The following PPP1R12B variants were observed in gnomAD, a reference collection of about 807,000 sequenced individuals.
PPP1R12B encodes the protein myosin phosphatase target subunit 2.
Under a neutral mutation model 126.1 loss-of-function variants are expected in PPP1R12B, and 76 were observed. The ratio of observed to expected loss-of-function variants is 0.60; its 90% CI spans 0.50 to 0.73. PPP1R12B has a LOEUF of 0.73. Among genes scored for constraint, PPP1R12B ranks in the 30% least tolerant of loss-of-function variants. The pLI, the probability that PPP1R12B is intolerant of heterozygous loss-of-function variation, is 0.00. For synonymous variants in PPP1R12B, 356 were observed against 434.7 expected (o/e 0.82, Z 2.25); for missense variants, 1,052 against 1,205.1 (o/e 0.87, Z 1.88).
intron 18 of PPP1R12B, among the ~76,000 whole-genome samples, chr1:202,514,862 A>G (rs1400854717): frequency 2.6e-5 from 4 of 152,236 alleles, no homozygotes; most frequent in Admixed American, 1.3e-4. Flanking sequence ...TTGTAGCACT[A>G]TTCACAATAG....
At chr1:202,456,130 G>A (rs1673598184) in intron 13 of PPP1R12B, among the ~76,000 whole-genome samples, 1 of 151,876 alleles carries the variant, frequency 6.6e-6, no homozygotes, top group African/African-American at 2.4e-5. Flanking sequence ...TTAGCCAGGA[G>A]TGGTGATGCA....
At chr1:202,365,998 C>G (rs186338610) in intron 1 of PPP1R12B, among the ~76,000 whole-genome samples, 3 of 151,628 alleles carry the variant, frequency 2.0e-5, no homozygotes, top group African/African-American at 7.3e-5. Context: ...CCTCCACTCC[C>G]GCCCCCCCAC....
chr1:202,550,566 T>C (rs1206199563), intron 18 of PPP1R12B, among the ~76,000 whole-genome samples: 2 of 151,786 alleles, frequency 1.3e-5, no homozygotes, highest in African/African-American at 4.8e-5. Flanking sequence ...TGAGGCTGTG[T>C]TTTTTTTTAA....
At chr1:202,355,534 G>A (rs1198130819) in intron 1 of PPP1R12B, among the ~76,000 whole-genome samples, 1 of 152,164 alleles carries the variant, frequency 6.6e-6, no homozygotes, top group Non-Finnish European at 1.5e-5. Flanking sequence ...TAATGGATGT[G>A]TTTGAAGGGT....
At chr1:202,506,507 T>C (rs1680818007) in intron 18 of PPP1R12B, among the ~76,000 whole-genome samples, 1 of 152,208 alleles carries the variant, frequency 6.6e-6, no homozygotes, top group African/African-American at 2.4e-5. Flanking sequence ...TCATAAATCT[T>C]TTTTAAGATA....
chr1:202,536,770 T>C (rs541397358), intron 18 of PPP1R12B, among the ~76,000 whole-genome samples: 119 of 152,140 alleles, frequency 7.8e-4, no homozygotes, highest in Admixed American at 2.4e-3. Context: ...AGCTTTTATC[T>C]GTTTTTTTTT....
In PPP1R12B at chr1:202,412,931, A is replaced by G. The variant is rs549445809; in HGVS notation, c.292-3856A>G. On this transcript the variant is annotated intron_variant, in intron 1 of 23. Coordinates refer to ENST00000608999, the MANE Select transcript of PPP1R12B (RefSeq NM_002481.4). ...ATGGGCAGACATACAATATATGACC[A>G]ATTTAGTGATAAGCATACTTATGAA... Among the ~76,000 whole-genome samples the G allele has an allele frequency of 2.0e-5, 3 of 152,364 alleles. No individual in the cohort carries two copies. The East Asian group carries it at 5.8e-4, about 29-fold the overall frequency.
In PPP1R12B at chr1:202,434,666, A is replaced by G. The variant is rs111919256; in HGVS notation, c.1152A>G (p.Pro384=). ...SETEKEADKK[P]EAFVNHSNSE... The stretch of plus-strand genomic sequence containing the variant: ...TGTCTTAAATAACAGATAAAAAGCC[A>G]GAAGCCTTTGTCAATCATTCCAACT... The change falls in exon 9 of 24, where the codon CCA becomes CCG. Residue 384 remains proline (P), a synonymous_variant. Coordinates refer to ENST00000608999, the MANE Select transcript of PPP1R12B (RefSeq NM_002481.4). 1.4e-4 allele frequency: 227 copies of G among 1,611,398 alleles called. No individual in the cohort carries two copies. In the African/African-American group the frequency reaches 2.0e-3, roughly 14 times the overall value.
chr1:202,564,136 C>T (rs1687821934), intron 20 of PPP1R12B, among the ~76,000 whole-genome samples: 1 of 152,062 alleles, frequency 6.6e-6, no homozygotes, highest in Admixed American at 6.5e-5. Context: ...ACACAGTAGA[C>T]TGGTTCCAAA....
intron 1 of PPP1R12B, among the ~76,000 whole-genome samples, chr1:202,381,397 G>GGTGTGTGT (rs773680210): frequency 1.5e-3 from 34 of 23,308 alleles, no homozygotes; most frequent in African/African-American, 3.6e-3. Flanking sequence ...TGAGCTTTGG[G>GGTGTGTGT]GTGTGTGTGT....
chr1:202,499,298 A>G lies in PPP1R12B; in HGVS notation c.2490+2476A>G, dbSNP rs189981557. ...GAGACAGGGTCTTGCTCTTTCGCCC[A>G]GGTTGGAGTGCAGTGATGTAGTCAT... On this transcript the variant is annotated intron_variant, in intron 18 of 23. Transcript: ENST00000608999. 2.8e-4 allele frequency among the ~76,000 whole-genome samples: 43 copies of G among 152,270 alleles called. No individual in the cohort carries two copies. In the Middle Eastern group the frequency reaches 0.01, roughly 36 times the overall value.
intron 23 of PPP1R12B, among the ~76,000 whole-genome samples, chr1:202,571,572 A>C (rs1688609032): frequency 6.6e-6 from 1 of 152,198 alleles, no homozygotes; most frequent in African/African-American, 2.4e-5. Flanking sequence ...CTCCTGCCTC[A>C]GCCTCCAAGG....
chr1:202,464,060 T>C (rs1674665473), intron 13 of PPP1R12B, among the ~76,000 whole-genome samples: 1 of 152,182 alleles, frequency 6.6e-6, no homozygotes, highest in Non-Finnish European at 1.5e-5. Flanking sequence ...ATTGTATTCA[T>C]ACTGTAAGAA....
chr1:202,525,182 A>T (rs1683191295), intron 18 of PPP1R12B, among the ~76,000 whole-genome samples: 2 of 152,162 alleles, frequency 1.3e-5, no homozygotes, highest in Admixed American at 6.5e-5. Flanking sequence ...CGTGGCCAGA[A>T]TCCAGTTTTA....
At chr1:202,472,977 G>C (rs1676140724) in intron 13 of PPP1R12B, among the ~76,000 whole-genome samples, 2 of 152,102 alleles carry the variant, frequency 1.3e-5, no homozygotes, top group Admixed American at 1.3e-4. Context: ...TTTACTGTTT[G>C]GCCCTTTACA....
intron 18 of PPP1R12B, among the ~76,000 whole-genome samples, chr1:202,524,205 TC>T: frequency 6.6e-6 from 1 of 152,290 alleles, no homozygotes; most frequent in East Asian, 1.9e-4. Flanking sequence ...AGCCAACATT[TC>T]CTGGAAGGGC....
At chr1:202,450,901 A>T (rs1027186316) in intron 13 of PPP1R12B, among the ~76,000 whole-genome samples, 1 of 152,158 alleles carries the variant, frequency 6.6e-6, no homozygotes, top group African/African-American at 2.4e-5. Flanking sequence ...CAAGAATAGC[A>T]TTGGTATTTT....
chr1:202,478,277 G>T (rs1676928961), intron 13 of PPP1R12B, among the ~76,000 whole-genome samples: 1 of 152,180 alleles, frequency 6.6e-6, no homozygotes, highest in African/African-American at 2.4e-5. Context: ...CAAAAATGTT[G>T]CAGGCCAGAT....
intron 1 of PPP1R12B, among the ~76,000 whole-genome samples, chr1:202,376,377 C>T (rs1412115311): frequency 1.3e-5 from 2 of 152,108 alleles, no homozygotes; most frequent in African/African-American, 4.8e-5. Context: ...GATCCTTGAC[C>T]TTCAGGGAGT....
Sources: allele counts gnomAD v4.1 joint callset (sites outside exome capture counted in the v4.1 genomes callset), GRCh38; gene constraint gnomAD v4.1.1; transcripts MANE v1.5; gene names NCBI Gene and HGNC (gene_info 2026-07-23, HGNC 2026-07-21).